The following RELCH variants were observed in gnomAD, a reference collection of about 807,000 sequenced individuals.
RELCH encodes RAB11 binding and LisH domain, coiled-coil and HEAT repeat containing.
A neutral mutation model predicts 150.3 loss-of-function variants in RELCH; 41 were observed. That is an observed-to-expected ratio of 0.27 (90% CI 0.21 to 0.35). RELCH has a LOEUF of 0.35. Ranked by LOEUF, RELCH falls within the 10% of genes least tolerant of loss-of-function variation. The probability of loss-of-function intolerance (pLI) is 1.00; values close to 1 mark genes in which losing one functional copy is unlikely to be tolerated. For missense variants in RELCH, 1,092 were observed against 1,467.8 expected, an observed-to-expected ratio of 0.74 and a Z score of 4.18; for synonymous variants, 478 against 531.8, an observed-to-expected ratio of 0.90 and a Z score of 1.39.
rs1247106991 is a variant in RELCH, at chr18:62,305,356, A to G, written c.3531-58A>G. ...TTCGTTAATGATATGCTACTAAATA[A>G]ATGAAAAATTTTTATTTTTTTAATT... On this transcript the variant is annotated intron_variant, in intron 28 of 28. Transcript: ENST00000644646. The surrounding 1 kb of genome is among the most constrained non-coding windows in gnomAD (Gnocchi z 4.0). 2.0e-6 allele frequency: 3 copies of G among 1,494,298 alleles called. No homozygotes were observed. Among genetic ancestry groups the G allele is most frequent in the Middle Eastern group, 1.8e-4 (1 of 5,630 alleles). The allele number at this position is 1,494,298 out of a possible 1,614,324, so 92.6% of individuals were successfully genotyped here. A position where few individuals can be genotyped will look rare whatever the true frequency, so the allele number is the denominator to read the frequency against.
intron 5 of RELCH, among the ~76,000 whole-genome samples, chr18:62,224,967 A>C (rs1273449423): frequency 6.6e-6 from 1 of 152,114 alleles, no homozygotes; most frequent in Non-Finnish European, 1.5e-5. Context: ...TCAAGTCTTA[A>C]AAGATATTAT....
At chr18:62,258,779 T>G in intron 15 of RELCH, 103 bp downstream of exon 15, 1 of 705,952 alleles carries the variant, frequency 1.4e-6, no homozygotes, top group Non-Finnish European at 2.2e-6. Context: ...TGCCCTTAGC[T>G]TAACATACTA....
At chr18:62,234,391 C>T (rs1206739437) in intron 10 of RELCH, among the ~76,000 whole-genome samples, 1 of 151,216 alleles carries the variant, frequency 6.6e-6, no homozygotes, top group Non-Finnish European at 1.5e-5. Context: ...AGTCATGGCT[C>T]GCTACAGCCT....
At chr18:62,256,939 A>G (rs1267307233) in intron 13 of RELCH, among the ~76,000 whole-genome samples, 1 of 152,006 alleles carries the variant, frequency 6.6e-6, no homozygotes, top group Non-Finnish European at 1.5e-5. Context: ...ATATTCACCA[A>G]CCTAAATGTG....
intron 26 of RELCH, among the ~76,000 whole-genome samples, chr18:62,288,529 A>G (rs962719632): frequency 2.6e-5 from 4 of 152,134 alleles, no homozygotes; most frequent in East Asian, 1.9e-4. Context: ...TGAAGTAGCT[A>G]TGTGTCTTTG....
At chr18:62,287,989 T>A (rs183930647) in intron 26 of RELCH, among the ~76,000 whole-genome samples, 132 of 152,238 alleles carry the variant, frequency 8.7e-4, no homozygotes, top group Non-Finnish European at 1.4e-3. Flanking sequence ...TAGGTCCATG[T>A]CAGTGACTGT....
At chr18:62,192,283 G>A (rs2038701510) in intron 1 of RELCH, among the ~76,000 whole-genome samples, 1 of 152,114 alleles carries the variant, frequency 6.6e-6, no homozygotes, top group South Asian at 2.1e-4. Context: ...GTAGACTCTG[G>A]ATGTTAGACC....
At chr18:62,242,539 G>A (rs2042200080) in intron 10 of RELCH, among the ~76,000 whole-genome samples, 1 of 152,180 alleles carries the variant, frequency 6.6e-6, no homozygotes, top group Non-Finnish European at 1.5e-5. Flanking sequence ...TGAAGAAACT[G>A]AAAGAGAAGT....
intron 28 of RELCH, among the ~76,000 whole-genome samples, chr18:62,299,813 C>T (rs1261419712): frequency 1.3e-5 from 2 of 152,092 alleles, no homozygotes; most frequent in African/African-American, 4.8e-5. Flanking sequence ...CATACCTGAC[C>T]TACTTCTCCC....
intron 9 of RELCH, among the ~76,000 whole-genome samples, chr18:62,231,733 A>T: frequency 6.6e-6 from 1 of 151,774 alleles, no homozygotes. Flanking sequence ...GTATTTTATT[A>T]TTACTGTTTT....
At chr18:62,197,272 T>A (rs1282502696) in intron 1 of RELCH, among the ~76,000 whole-genome samples, 1 of 152,202 alleles carries the variant, frequency 6.6e-6, no homozygotes, top group East Asian at 1.9e-4. Flanking sequence ...GATATTAATC[T>A]GGGAAAACCA....
In RELCH at chr18:62,231,185, T is replaced by C. The variant is rs1160273950; in HGVS notation, c.1449-9T>C. The stretch of plus-strand genomic sequence containing the variant: ...TGATATTGTCTCTTTTTCATACATT[T>C]TCTTCTAGGAAATTGTCTCCTGCAT... On this transcript the variant is annotated splice_polypyrimidine_tract_variant and intron_variant, in intron 8 of 28. Coordinates refer to ENST00000644646, the MANE Select transcript of RELCH (RefSeq NM_001346231.2). The C allele has an allele frequency of 6.4e-7, 1 of 1,550,762 alleles. No individual in the cohort carries two copies. The highest frequency in any genetic ancestry group is 1.4e-5 in the African/African-American group (1 of 73,126).
At chr18:62,201,225 G>T (rs911153956) in intron 1 of RELCH, among the ~76,000 whole-genome samples, 1 of 151,808 alleles carries the variant, frequency 6.6e-6, no homozygotes, top group African/African-American at 2.4e-5. Flanking sequence ...CGCCTGCCTC[G>T]GCCTCCCAAA....
Position 62,278,454 on chromosome 18 carries a change from A to G in RELCH, c.2968-1320A>G, listed in dbSNP as rs923612207. On this transcript the variant is annotated intron_variant, in intron 22 of 28. Coordinates refer to ENST00000644646, the MANE Select transcript of RELCH (RefSeq NM_001346231.2). ...TTGAAGTAGATTCTAAAATGAATCA[A>G]TTGGTAAATGGTGAAAAATCATTGC... Among the ~76,000 whole-genome samples, 3 of 152,188 alleles carry G rather than the reference A, an allele frequency of 2.0e-5. No homozygotes were observed. In the East Asian group the frequency reaches 5.8e-4, roughly 29 times the overall value.
At chr18:62,228,246 G>T in intron 7 of RELCH, 59 bp from the exon 8 acceptor site, 1 of 1,305,482 alleles carries the variant, frequency 7.7e-7, no homozygotes, top group Non-Finnish European at 1.1e-6. Flanking sequence ...TGAGATTTAT[G>T]CTAGTTTTCA....
chr18:62,231,561 C>G (rs567113500), intron 9 of RELCH, among the ~76,000 whole-genome samples: 6 of 151,860 alleles, frequency 4.0e-5, no homozygotes, highest in Non-Finnish European at 8.8e-5. Context: ...ATTCAGAAAA[C>G]CAACTTAAGT....
rs767445676 is a variant in RELCH at position 62,187,950 on chromosome 18, G to A, written c.445G>A (p.Ala149Thr). ...AAGTGGAACCCCGCCGGGGATGGGG[G>A]CGCCAGGGGTCCCTGGAGCAGCCGG... ...RQSGTPPGMG[A>T]PGVPGAAGVG... Residue 149 changes from alanine to threonine, a missense_variant, in exon 1 of 29, where the codon GCG becomes ACG. Physicochemically the swap from Ala to Thr is moderately conservative, Grantham distance 58. Around this residue, in one of 4 missense-constraint regions of RELCH, gnomAD observed 190 missense variants for 276.2 expected, o/e 0.69. Coordinates refer to ENST00000644646, the MANE Select transcript of RELCH (RefSeq NM_001346231.2). The A allele has an allele frequency of 3.8e-6, 6 of 1,599,056 alleles. No individual in the cohort carries two copies. The highest frequency in any genetic ancestry group is 1.1e-5 in the South Asian group (1 of 88,740).
At chr18:62,264,180 G>A (rs778967973) in intron 17 of RELCH, 35 bp downstream of exon 17, 1 of 1,521,452 alleles carries the variant, frequency 6.6e-7, no homozygotes, top group South Asian at 1.2e-5. Context: ...TTGAATAGAT[G>A]ATAACTCTTA....
chr18:62,197,378 G>T (rs1182370643), intron 1 of RELCH, among the ~76,000 whole-genome samples: 1 of 152,116 alleles, frequency 6.6e-6, no homozygotes, highest in Admixed American at 6.5e-5. Flanking sequence ...AACCTAGATT[G>T]GTTGTTTGGC....
Sources: allele counts gnomAD v4.1 joint callset (sites outside exome capture counted in the v4.1 genomes callset), GRCh38; gene constraint gnomAD v4.1.1; regional missense constraint gnomAD v4.1.1; non-coding constraint Gnocchi (gnomAD v3.1); transcripts MANE v1.5; gene names NCBI Gene and HGNC (gene_info 2026-07-23, HGNC 2026-07-21).